Variants in SAMD13 observed in about 807,000 individuals in gnomAD.
SAMD13 encodes the protein sterile alpha motif domain containing 13.
In SAMD13, 9 loss-of-function variants were observed where a neutral mutation model predicts 12.4. The ratio of observed to expected loss-of-function variants is 0.72; its 90% CI spans 0.44 to 1.26. SAMD13 has a LOEUF of 1.26. Among genes scored for constraint, SAMD13 ranks in the 50% most tolerant of loss-of-function variants. The probability of loss-of-function intolerance (pLI) is 0.00; values close to 1 mark genes in which losing one functional copy is unlikely to be tolerated. For synonymous variants in SAMD13, 46 were observed against 45.4 expected (o/e 1.01, Z -0.05); for missense variants, 84 against 119.6 (o/e 0.70, Z 1.39).
intron 3 of SAMD13, among the ~76,000 whole-genome samples, chr1:84,347,500 G>C (rs776259723): frequency 1.1e-4 from 16 of 152,158 alleles, no homozygotes; most frequent in Non-Finnish European, 1.9e-4. Flanking sequence ...TGCCAGCAAA[G>C]ATTTTTTAAA....
intron 2 of SAMD13, among the ~76,000 whole-genome samples, chr1:84,316,453 C>T (rs1678834998): frequency 6.6e-6 from 1 of 152,052 alleles, no homozygotes; most frequent in Non-Finnish European, 1.5e-5. Context: ...CCAGTTTTCC[C>T]AACACCATTA....
chr1:84,299,851 CTT>C (rs1475303669), upstream of SAMD13, among the ~76,000 whole-genome samples: 1 of 151,968 alleles, frequency 6.6e-6, no homozygotes, highest in Non-Finnish European at 1.5e-5. Flanking sequence ...AACAGGCAAA[CTT>C]TTGATCACAG....
chr1:84,307,844 C>G (rs910237159), intron 2 of SAMD13, among the ~76,000 whole-genome samples: 1 of 152,082 alleles, frequency 6.6e-6, no homozygotes, highest in Non-Finnish European at 1.5e-5. Context: ...ATTTTCATCT[C>G]TGGCAGGTGA....
chr1:84,330,127 C>T (rs1226624968), intron 3 of SAMD13, among the ~76,000 whole-genome samples: 1 of 152,174 alleles, frequency 6.6e-6, no homozygotes, highest in Middle Eastern at 3.2e-3. Context: ...GTCATGACTT[C>T]TGATATGTTT....
chr1:84,328,659 C>T (rs1679110459), intron 3 of SAMD13, among the ~76,000 whole-genome samples: 1 of 152,188 alleles, frequency 6.6e-6, no homozygotes, highest in African/African-American at 2.4e-5. Context: ...CATCATCACA[C>T]TACAGAGGGC....
Position 84,350,772 on chromosome 1 carries a change from G to T in SAMD13, c.*998G>T, listed in dbSNP as rs1679633154. On this transcript the variant is annotated 3_prime_UTR_variant, in exon 4 of 4. Transcript: ENST00000394834. ...CGCCTTGTTGAATTGGTGCTTTGTGGTTGCAATAAAGCATTGCTTCAGTTT... is the reference window on the plus strand; with the variant it reads ...CGCCTTGTTGAATTGGTGCTTTGTGTTTGCAATAAAGCATTGCTTCAGTTT... 1 of 152,550 alleles carries T rather than the reference G, an allele frequency of 6.6e-6. No homozygotes were observed. Among genetic ancestry groups the T allele is most frequent in the Non-Finnish European group, 1.5e-5 (1 of 68,034 alleles). 9.4% of individuals were successfully genotyped at this position (152,550 alleles called of 1,614,324 possible).
intron 1 of SAMD13, among the ~76,000 whole-genome samples, chr1:84,302,870 A>G (rs754830614): frequency 1.3e-4 from 20 of 152,120 alleles, no homozygotes; most frequent in Non-Finnish European, 2.5e-4. Flanking sequence ...TGACTCATTT[A>G]TGAGTTGCAG....
At chr1:84,318,277 GTTTCA>G (rs1678875929) in intron 2 of SAMD13, among the ~76,000 whole-genome samples, 2 of 151,252 alleles carry the variant, frequency 1.3e-5, no homozygotes, top group African/African-American at 4.9e-5. Context: ...TACTGCTTCT[GTTTCA>G]TTTCATAAGT....
At chr1:84,310,587 A>G (rs1678687126) in intron 2 of SAMD13, among the ~76,000 whole-genome samples, 1 of 152,250 alleles carries the variant, frequency 6.6e-6, no homozygotes, top group African/African-American at 2.4e-5. Context: ...AAATAATTCC[A>G]AACATATTTA....
intron 2 of SAMD13, among the ~76,000 whole-genome samples, chr1:84,321,632 A>T (rs938773445): frequency 6.6e-6 from 1 of 152,208 alleles, no homozygotes; most frequent in Non-Finnish European, 1.5e-5. Flanking sequence ...TGTGGCGAGA[A>T]TGGACCATTT....
chr1:84,309,322 T>C (rs1174429624), intron 2 of SAMD13, among the ~76,000 whole-genome samples: 1 of 152,196 alleles, frequency 6.6e-6, no homozygotes, highest in African/African-American at 2.4e-5. Flanking sequence ...ATTTCAAGGC[T>C]GGATCCTGGT....
Position 84,325,759 on chromosome 1 carries a change from C to G in SAMD13, c.165+11C>G. 1 of 1,518,736 alleles carries G rather than the reference C, an allele frequency of 6.6e-7. No individual in the cohort carries two copies. The highest frequency in any genetic ancestry group is 9.1e-7 in the Non-Finnish European group (1 of 1,093,492). The allele number at this position is 1,518,736 out of a possible 1,614,324, so 94.1% of individuals were successfully genotyped here. On this transcript the variant is annotated intron_variant, in intron 3 of 3. Coordinates refer to ENST00000394834, the MANE Select transcript of SAMD13 (RefSeq NM_001134663.2). ...GCTTTTCAGGAACAGGTAACTTGGT[C>G]TAGAGAAACACGTGATGAACATGTG...
rs138727549 is a variant in SAMD13 at position 84,314,078 on chromosome 1, G to T, written c.53+10791G>T. ...TAAGGTAGACTTAGAAATTATTATG[G>T]TATTGCTAGAGTTTCAAAACTCTGA... On this transcript the variant is annotated intron_variant, in intron 2 of 3. Transcript: ENST00000394834. Among the ~76,000 whole-genome samples, 30 of 152,196 alleles carry T rather than the reference G, an allele frequency of 2.0e-4. 1 individual carries two copies. In the East Asian group the frequency reaches 5.6e-3, roughly 28 times the overall value.
upstream of SAMD13, chr1:84,298,622 C>T: frequency 7.9e-7 from 1 of 1,269,194 alleles, no homozygotes; most frequent in Non-Finnish European, 1.0e-6. Context: ...CCTCTCCTCT[C>T]TCCAGGATGA....
At chr1:84,322,913 CTTAAAA>C (rs907597323) in intron 2 of SAMD13, among the ~76,000 whole-genome samples, 2 of 152,144 alleles carry the variant, frequency 1.3e-5, no homozygotes, top group Admixed American at 1.3e-4. Context: ...AGCCTCCCAT[CTTAAAA>C]TTACAATGTA....
chr1:84,320,789 T>A (rs918277806), intron 2 of SAMD13, among the ~76,000 whole-genome samples: 1 of 152,194 alleles, frequency 6.6e-6, no homozygotes, highest in South Asian at 2.1e-4. Flanking sequence ...AAATATATCA[T>A]CATAATATGT....
chr1:84,333,513 G>C (rs371925380), intron 3 of SAMD13, among the ~76,000 whole-genome samples: 1 of 151,636 alleles, frequency 6.6e-6, no homozygotes, highest in South Asian at 2.1e-4. Flanking sequence ...GTCAGCTTAG[G>C]TGCTATCAGT....
upstream of SAMD13, among the ~76,000 whole-genome samples, chr1:84,298,757 G>T (rs78414224): frequency 6.6e-6 from 1 of 152,140 alleles, no homozygotes; most frequent in Admixed American, 6.5e-5. Context: ...GGAGTGGAGT[G>T]GGGGCAGAAG....
At position 84,306,830 on chromosome 1, in the gene SAMD13, A is replaced by AAATAAT. The variant is rs56408257; in HGVS notation, c.53+3564_53+3569dup. ...TGGGTGACAGTGAGACTCCGTCTCA[A>AAATAAT]AATAATAATAATAATAATAATAATA... On this transcript the variant is annotated intron_variant, in intron 2 of 3. Transcript: ENST00000394834. Among the ~76,000 whole-genome samples the AAATAAT allele has an allele frequency of 5.4e-3, 785 of 144,450 alleles. 7 individuals are homozygous for AAATAAT. Among genetic ancestry groups the AAATAAT allele is most frequent in the East Asian group, 0.015 (73 of 4,954 alleles). The allele number at this position is 144,450 out of a possible 152,430, so 94.8% of individuals were successfully genotyped here.
Sources: allele counts gnomAD v4.1 joint callset (sites outside exome capture counted in the v4.1 genomes callset), GRCh38; gene constraint gnomAD v4.1.1; transcripts MANE v1.5; gene names NCBI Gene and HGNC (gene_info 2026-07-23, HGNC 2026-07-21).